Variants in PDE9A observed in about 807,000 individuals in gnomAD.
PDE9A encodes phosphodiesterase 9A.
A neutral mutation model predicts 87.4 loss-of-function variants in PDE9A; 60 were observed. The observed-to-expected ratio is 0.69, with a 90% CI of 0.56 to 0.85. PDE9A has a LOEUF of 0.85. Among genes scored for constraint, PDE9A ranks in the 40% least tolerant of loss-of-function variants. PDE9A has a pLI of 0.00. For synonymous variants in PDE9A, 272 were observed against 279.4 expected, an observed-to-expected ratio of 0.97 and a Z score of 0.27; for missense variants, 665 against 779.0, an observed-to-expected ratio of 0.85 and a Z score of 1.74.
intron 1 of PDE9A, among the ~76,000 whole-genome samples, chr21:42,682,840 C>T (rs1303005421): frequency 3.9e-5 from 6 of 152,164 alleles, no homozygotes; most frequent in Admixed American, 3.3e-4. Flanking sequence ...GGCTTAGGCT[C>T]GGTTGCATAA....
At chr21:42,703,406 C>G (rs746789631) in intron 4 of PDE9A, among the ~76,000 whole-genome samples, 1 of 152,218 alleles carries the variant, frequency 6.6e-6, no homozygotes, top group Non-Finnish European at 1.5e-5. Flanking sequence ...ACGCTGGTGA[C>G]AGGACACCAT....
chr21:42,670,539 C>T (rs1436375435), intron 1 of PDE9A, among the ~76,000 whole-genome samples: 4 of 151,776 alleles, frequency 2.6e-5, no homozygotes, highest in African/African-American at 9.7e-5. Flanking sequence ...CATTCACACT[C>T]ACGTACACTT....
In PDE9A at chr21:42,706,167, G is replaced by A. The variant is rs546627618; in HGVS notation, c.262+7156G>A. 7.9e-5 allele frequency among the ~76,000 whole-genome samples: 12 copies of A among 152,330 alleles called. No homozygotes were observed. In the South Asian group the frequency reaches 2.5e-3, roughly 32 times the overall value. ...CCCCCACATGAGAGTTCCCCCAGGT[G>A]GTGACCAAATGCATTTACAGTCCAG... On this transcript the variant is annotated intron_variant, in intron 4 of 19. Coordinates refer to ENST00000291539, the MANE Select transcript of PDE9A (RefSeq NM_002606.3).
intron 3 of PDE9A, among the ~76,000 whole-genome samples, chr21:42,691,058 C>CCCATCA (rs1406810729): frequency 6.7e-6 from 1 of 149,768 alleles, no homozygotes; most frequent in African/African-American, 2.5e-5. Flanking sequence ...AGTCACCAGC[C>CCCATCA]CCATCACCAT....
chr21:42,772,238 G>A (rs764142265), intron 18 of PDE9A, among the ~76,000 whole-genome samples: 1 of 152,226 alleles, frequency 6.6e-6, no homozygotes, highest in Non-Finnish European at 1.5e-5. Flanking sequence ...GGCCCCAGAT[G>A]AGGCACCAAG....
intron 1 of PDE9A, among the ~76,000 whole-genome samples, chr21:42,662,265 A>G (rs867352281): frequency 2.0e-5 from 3 of 151,970 alleles, no homozygotes; most frequent in African/African-American, 7.3e-5. Context: ...GCCTCCCACT[A>G]TCGTCCCCAG....
intron 1 of PDE9A, among the ~76,000 whole-genome samples, chr21:42,665,951 T>C (rs547063220): frequency 7.2e-5 from 11 of 152,278 alleles, no homozygotes; most frequent in Middle Eastern, 6.8e-3. Flanking sequence ...TTGAAGTCAG[T>C]TGGGGAGGCA....
At position 42,726,624 on chromosome 21, in the gene PDE9A, A is replaced by ATATTT; in HGVS notation, c.263-5145_263-5144insATTTT. ...TATATATATATATATATATATATAT[A>ATATTT]TTTTTTTTTTTTTTTTTGTAGAGAT... is the stretch of plus-strand genomic sequence containing the variant. On this transcript the variant is annotated intron_variant, in intron 4 of 19. Transcript: ENST00000291539. 1.0e-3 allele frequency among the ~76,000 whole-genome samples: 20 copies of ATATTT among 19,782 alleles called. 1 individual carries two copies. The highest frequency in any genetic ancestry group is 4.1e-3 in the South Asian group (1 of 246). 13.0% of individuals were successfully genotyped at this position (19,782 alleles called of 152,430 possible).
At chr21:42,687,167 G>C (rs2059526968) in intron 2 of PDE9A, among the ~76,000 whole-genome samples, 1 of 152,202 alleles carries the variant, frequency 6.6e-6, no homozygotes, top group Non-Finnish European at 1.5e-5. Context: ...TTAAAGTTAG[G>C]ACGGAGGTGG....
Position 42,711,250 on chromosome 21 carries a change from T to C in PDE9A, c.262+12239T>C, listed in dbSNP as rs928123863. On this transcript the variant is annotated intron_variant, in intron 4 of 19. Transcript: ENST00000291539. ...TCAGTACTTCTTGTGTCTTCTCTAA[T>C]AAGTTTTGTTTTTTTTTTTTTTTGA... 2.7e-5 allele frequency among the ~76,000 whole-genome samples: 4 copies of C among 147,864 alleles called. No homozygotes were observed. The Admixed American group carries it at 2.7e-4, about 10-fold the overall frequency.
chr21:42,700,209 G>T (rs1479614369), intron 4 of PDE9A, among the ~76,000 whole-genome samples: 1 of 152,042 alleles, frequency 6.6e-6, no homozygotes, highest in East Asian at 1.9e-4. Flanking sequence ...ATTGCTAAGT[G>T]GTATCCCATG....
In PDE9A at chr21:42,704,338, G is replaced by A. The variant is rs1352647205; in HGVS notation, c.262+5327G>A. The stretch of plus-strand genomic sequence containing the variant: ...CTAACACCACCTTTCCCCGCCTCTG[G>A]GTGCGTGGGGACCCCGCTCTCCAAA... On this transcript the variant is annotated intron_variant, in intron 4 of 19. Coordinates refer to ENST00000291539, the MANE Select transcript of PDE9A (RefSeq NM_002606.3). The surrounding 1 kb of genome is among the most constrained non-coding windows in gnomAD (Gnocchi z 5.3). Among the ~76,000 whole-genome samples the A allele has an allele frequency of 6.6e-6, 1 of 151,636 alleles. No individual in the cohort carries two copies. The highest frequency in any genetic ancestry group is 1.5e-5 in the Non-Finnish European group (1 of 67,928).
intron 7 of PDE9A, chr21:42,741,014 C>A (rs547619734): frequency 6.6e-6 from 1 of 152,240 alleles, no homozygotes; most frequent in South Asian, 2.1e-4. Flanking sequence ...AGTCAATGGT[C>A]CATGGACCTT....
chr21:42,751,648 G>A (rs985199151), intron 9 of PDE9A, among the ~76,000 whole-genome samples: 8 of 152,226 alleles, frequency 5.3e-5, no homozygotes, highest in African/African-American at 1.9e-4. Context: ...AAGTAGCAAT[G>A]GCATTTTTGA....
At chr21:42,747,196 C>T (rs1460489542) in intron 8 of PDE9A, among the ~76,000 whole-genome samples, 1 of 151,936 alleles carries the variant, frequency 6.6e-6, no homozygotes, top group Non-Finnish European at 1.5e-5. Flanking sequence ...TTGTCTTTGT[C>T]AACAGCAGAG....
chr21:42,711,825 T>C (rs1487936464), intron 4 of PDE9A, among the ~76,000 whole-genome samples: 1 of 152,142 alleles, frequency 6.6e-6, no homozygotes, highest in African/African-American at 2.4e-5. Flanking sequence ...AGACTCCTTT[T>C]CCCGCTGAAT....
intron 19 of PDE9A, among the ~76,000 whole-genome samples, chr21:42,774,509 G>C (rs79633257): frequency 0.015 from 2,340 of 152,202 alleles, 74 homozygotes; most frequent in African/African-American, 0.054. Context: ...TTTTCAGTGG[G>C]TCAGAAAAGA....
intron 4 of PDE9A, among the ~76,000 whole-genome samples, chr21:42,708,416 G>A (rs2049016173): frequency 6.6e-6 from 1 of 152,142 alleles, no homozygotes; most frequent in African/African-American, 2.4e-5. Flanking sequence ...CCTCAAGACT[G>A]CAAACGTTAG....
chr21:42,709,524 C>CCATCACCCT (rs1602189186), intron 4 of PDE9A, among the ~76,000 whole-genome samples: 1 of 152,164 alleles, frequency 6.6e-6, no homozygotes, highest in East Asian at 1.9e-4. Flanking sequence ...GAGGACATTT[C>CCATCACCCT]CATCACCCTA....
Sources: gnomAD v4.1 joint callset for allele counts (sites outside exome capture counted in the v4.1 genomes callset) on GRCh38, gnomAD v4.1.1 for gene constraint, Gnocchi (gnomAD v3.1) non-coding constraint, MANE v1.5 for transcripts, NCBI Gene and HGNC (gene_info 2026-07-23, HGNC 2026-07-21) for gene names.